GLS2: variants seen among roughly 807,000 people sequenced by gnomAD.
GLS2 encodes the protein glutaminase 2.
Under a neutral mutation model 79.0 loss-of-function variants are expected in GLS2, and 52 were observed. That is an observed-to-expected ratio of 0.66 (90% CI 0.53 to 0.83). The LOEUF (loss-of-function observed/expected upper bound fraction) is 0.83. Ranked by LOEUF, GLS2 falls within the 40% of genes least tolerant of loss-of-function variation. The probability of loss-of-function intolerance (pLI) is 0.00; values close to 1 mark genes in which losing one functional copy is unlikely to be tolerated. For synonymous variants in GLS2, 238 were observed against 280.8 expected (o/e 0.85, Z 1.52); for missense variants, 561 against 764.8 (o/e 0.73, Z 3.14).
In GLS2 at chr12:56,474,561, C is replaced by T. The variant is rs1432204461; in HGVS notation, c.1207G>A (p.Gly403Ser). Residue 403 changes from glycine to serine, a missense_variant, in exon 12 of 18, where the codon GGC becomes AGC. Gly to Ser is a moderately conservative substitution (Grantham distance 56, BLOSUM62 0). Around this residue, in one of 4 missense-constraint regions of GLS2, gnomAD observed 221 missense variants for 275.6 expected, o/e 0.80. Transcript: ENST00000311966. ...AAACTCACGTGGAAGGCAAACTGGC[C>T]AGAGAAGTCATACATGCCGCAGGAA... is the stretch of plus-strand genomic sequence containing the variant. Reference protein sequence around the residue: ...MHSCGMYDFSGQFAFHVGLPA... With the variant: ...MHSCGMYDFSSQFAFHVGLPA... The T allele has an allele frequency of 6.2e-7, 1 of 1,614,050 alleles. No homozygotes were observed. Among genetic ancestry groups the T allele is most frequent in the Non-Finnish European group, 8.5e-7 (1 of 1,180,028 alleles).
Position 56,479,871 on chromosome 12 carries a change from C to T in GLS2, c.313G>A (p.Asp105Asn). Residue 105 changes from aspartate (D) to asparagine (N), a missense_variant, in exon 3 of 18, where the codon GAT (aspartate) becomes AAT (asparagine). Coordinates refer to ENST00000311966, the MANE Select transcript of GLS2 (RefSeq NM_013267.4). ...ALKATGLQTS[D>N]PRLRDCMSEM... ...CTCATGCAGTCTCGGAGCCGAGGAT[C>T]TGATGTCTGCAGTCCAGTGGCCTTT... 6.2e-7 allele frequency: 1 copy of T among 1,613,264 alleles called. No homozygotes were observed. Among genetic ancestry groups the T allele is most frequent in the Admixed American group, 1.7e-5 (1 of 60,016 alleles).
In GLS2 at chr12:56,488,147, G is replaced by C; in HGVS notation, c.-29C>G. The C allele has an allele frequency of 2.0e-6, 3 of 1,515,140 alleles. No homozygotes were observed. The highest frequency in any genetic ancestry group is 2.6e-6 in the Non-Finnish European group (3 of 1,140,970). 93.9% of individuals were successfully genotyped at this position (1,515,140 alleles called of 1,614,324 possible). A position where few individuals can be genotyped will look rare whatever the true frequency, so the allele number is the denominator to read the frequency against. ...CCAGCAAGCCTCCGGCTCTGCAGGT[G>C]CGCCCGGGACCTCTAGCTGTGGCTG... On this transcript the variant is annotated 5_prime_UTR_variant, in exon 1 of 18. Coordinates refer to ENST00000311966, the MANE Select transcript of GLS2 (RefSeq NM_013267.4).
At chr12:56,486,443 A>G (rs1870693175) in intron 1 of GLS2, among the ~76,000 whole-genome samples, 1 of 152,208 alleles carries the variant, frequency 6.6e-6, no homozygotes, top group African/African-American at 2.4e-5. Flanking sequence ...TGGAGACTAG[A>G]ACAGGAGGGA....
At chr12:56,487,228 G>T (rs1454414551) in intron 1 of GLS2, among the ~76,000 whole-genome samples, 1 of 152,186 alleles carries the variant, frequency 6.6e-6, no homozygotes, top group Non-Finnish European at 1.5e-5. Context: ...GGAAGATAAA[G>T]GTTTGGCATC....
intron 3 of GLS2, 51 bp from the exon 4 acceptor site, chr12:56,479,232 C>A (rs1432032358): frequency 6.2e-7 from 1 of 1,601,654 alleles, no homozygotes; most frequent in Non-Finnish European, 8.5e-7. Flanking sequence ...GCAGCTGGGA[C>A]TCACTCTGGA....
chr12:56,482,731 T>C (rs1356596035), intron 1 of GLS2, among the ~76,000 whole-genome samples: 1 of 152,222 alleles, frequency 6.6e-6, no homozygotes, highest in African/African-American at 2.4e-5. Context: ...GTTTTCAAGA[T>C]TTCCATTAAT....
chr12:56,475,152 G>C, intron 9 of GLS2, 42 bp from the exon 10 acceptor site: 2 of 1,612,696 alleles, frequency 1.2e-6, no homozygotes, highest in South Asian at 2.2e-5. Context: ...TTGGAGGAGT[G>C]GGTGTTGGGA....
intron 15 of GLS2, 158 bp downstream of exon 15, chr12:56,472,531 TA>T (rs200578396): frequency 1.8e-5 from 12 of 662,002 alleles, no homozygotes; most frequent in Admixed American, 2.9e-5. Flanking sequence ...TTACTTTTTT[TA>T]AAAAAAATCT....
rs772118331 is a variant in GLS2 at position 56,475,659 on chromosome 12, CATTTTGTTGAG to C, written c.883_893del (p.Leu295GlyfsTer4). 6.2e-7 allele frequency: 1 copy of C among 1,614,180 alleles called. No homozygotes were observed. The highest frequency in any genetic ancestry group is 1.3e-5 in the African/African-American group (1 of 75,044). On this transcript the variant is annotated frameshift_variant, in exon 9 of 18. Transcript: ENST00000311966. LOFTEE classifies it high-confidence loss of function. The stretch of plus-strand genomic sequence containing the variant: ...TGAAACCCATGTATTCATTCCCAGC[CATTTTGTTGAG>C]ATACTGCAACACCTGGAAGAGAAAA...
At chr12:56,479,574 AG>A (rs1172226760) in intron 3 of GLS2, 3 of 549,930 alleles carry the variant, frequency 5.5e-6, no homozygotes, top group Non-Finnish European at 5.7e-6. Flanking sequence ...AAAAGAGGAC[AG>A]GGATTGAGTA....
chr12:56,478,080 T>C lies in GLS2; in HGVS notation c.631A>G (p.Thr211Ala). ...GACTGCAGGCAGAAGGGGATCTTTG[T>C]GTGGCCCACAGAGTGCCTGGAGGCA... ...VDGQRHSVGH[T>A]KIPFCLQSCV... The change falls in exon 6 of 18, where the codon ACA becomes GCA. Residue 211 changes from threonine (T) to alanine (A), a missense_variant. Coordinates refer to ENST00000311966, the MANE Select transcript of GLS2 (RefSeq NM_013267.4). The C allele has an allele frequency of 6.2e-7, 1 of 1,614,086 alleles. No homozygotes were observed. The highest frequency in any genetic ancestry group is 8.5e-7 in the Non-Finnish European group (1 of 1,179,958).
Position 56,471,494 on chromosome 12 carries a change from A to G in GLS2, c.1802T>C (p.Met601Thr). Residue 601 changes from methionine (M) to threonine (T), a missense_variant, in exon 18 of 18, where the codon ATG (methionine) becomes ACG (threonine). By Grantham distance (81) the Met-to-Thr change is moderately conservative. This residue lies in a region of GLS2 where 136 missense variants were observed against 228.6 expected (regional missense o/e 0.59). Coordinates refer to ENST00000311966, the MANE Select transcript of GLS2 (RefSeq NM_013267.4). ...EALSKENLESMV is the reference protein window; with the variant it reads ...EALSKENLESTV Reference sequence around the variant, plus strand: ...GCTGTCCATGACCTGTGCTCATACCATGCTTTCTAAGTTCTCTTTGGACAG... The same window carrying G: ...GCTGTCCATGACCTGTGCTCATACCGTGCTTTCTAAGTTCTCTTTGGACAG... 1.2e-6 allele frequency: 2 copies of G among 1,612,976 alleles called. No homozygotes were observed. Among genetic ancestry groups the G allele is most frequent in the Non-Finnish European group, 1.7e-6 (2 of 1,179,424 alleles).
chr12:56,486,953 GTAGTGTTGTGT>G (rs1234277528), intron 1 of GLS2, among the ~76,000 whole-genome samples: 3 of 62,438 alleles, frequency 4.8e-5, no homozygotes, highest in Non-Finnish European at 9.3e-5. Context: ...TAGTGGTGAG[GTAGTGTTGTGT>G]CAGAGACTCG....
At chr12:56,487,582 A>G in intron 1 of GLS2, 1 of 336,442 alleles carries the variant, frequency 3.0e-6, no homozygotes, top group Non-Finnish European at 5.5e-6. Flanking sequence ...CGCATCTCCT[A>G]AAATACACAC....
intron 15 of GLS2, chr12:56,472,410 C>T: frequency 1.6e-6 from 1 of 606,802 alleles, no homozygotes; most frequent in Non-Finnish European, 2.9e-6. Context: ...AAATATCACT[C>T]ACTGCCTACC....
intron 1 of GLS2, among the ~76,000 whole-genome samples, chr12:56,482,454 C>T (rs1269850498): frequency 1.3e-5 from 2 of 152,188 alleles, no homozygotes; most frequent in Non-Finnish European, 2.9e-5. Context: ...GTCACCAACT[C>T]TGTAAAGGCT....
intron 8 of GLS2, 84 bp downstream of exon 8, chr12:56,475,861 G>A (rs1468969681): frequency 6.7e-7 from 1 of 1,483,214 alleles, no homozygotes; most frequent in East Asian, 2.3e-5. Flanking sequence ...CCTGGTAGTG[G>A]GGTTAGAGAG....
chr12:56,477,807 T>G, intron 6 of GLS2, 89 bp from the exon 7 acceptor site: 1 of 1,545,236 alleles, frequency 6.5e-7, no homozygotes, highest in Admixed American at 1.9e-5. Flanking sequence ...CAAGAAAGAC[T>G]GCTAGGGAGA....
intron 2 of GLS2, among the ~76,000 whole-genome samples, 170 bp downstream of exon 2, chr12:56,480,118 G>C (rs951142570): frequency 2.6e-5 from 4 of 152,128 alleles, no homozygotes; most frequent in Non-Finnish European, 5.9e-5. Flanking sequence ...CTGACCCTGG[G>C]GCAGGGATGG....
Sources: gnomAD v4.1 joint callset for allele counts (sites outside exome capture counted in the v4.1 genomes callset) on GRCh38, gnomAD v4.1.1 for gene constraint, gnomAD v4.1.1 regional missense constraint, MANE v1.5 for transcripts, NCBI Gene and HGNC (gene_info 2026-07-23, HGNC 2026-07-21) for gene names.